The following HORMAD2 variants were observed in gnomAD, a reference collection of about 807,000 sequenced individuals.
HORMAD2 encodes HORMA domain containing 2.
In HORMAD2, 45 loss-of-function variants were observed where a neutral mutation model predicts 38.8. The observed-to-expected ratio is 1.16, with a 90% CI of 0.91 to 1.49. The LOEUF (loss-of-function observed/expected upper bound fraction) is 1.49. Among genes scored for constraint, HORMAD2 ranks in the 40% most tolerant of loss-of-function variants. The pLI is 0.00. For missense variants in HORMAD2, 338 were observed against 367.0 expected (o/e 0.92, Z 0.65); for synonymous variants, 126 against 122.8 (o/e 1.03, Z -0.17).
intron 4 of HORMAD2, among the ~76,000 whole-genome samples, chr22:30,103,957 CCT>C (rs1362699766): frequency 2.7e-5 from 4 of 150,096 alleles, no homozygotes; most frequent in Non-Finnish European, 3.0e-5. Flanking sequence ...ACTGCCCTGA[CCT>C]ACTTTCCCTC....
At chr22:30,164,107 A>G (rs903616298) in intron 10 of HORMAD2, among the ~76,000 whole-genome samples, 1 of 152,192 alleles carries the variant, frequency 6.6e-6, no homozygotes, top group Non-Finnish European at 1.5e-5. Flanking sequence ...AGGTTCATCC[A>G]TGTTTGAGCA....
At chr22:30,190,211 G>A in the HORMAD2 span, among the ~76,000 whole-genome samples, 42 of 152,126 alleles carry the variant, frequency 2.8e-4, no homozygotes, top group African/African-American at 8.9e-4. Context: ...ATTCCTTCTC[G>A]CCCCTCAACC....
At chr22:30,127,634 C>T (rs151222058) in intron 10 of HORMAD2, among the ~76,000 whole-genome samples, 22 of 152,328 alleles carry the variant, frequency 1.4e-4, no homozygotes, top group African/African-American at 4.8e-4. Context: ...TGAGCCATCA[C>T]GCCTGGCACA....
At chr22:30,174,799 G>T (rs1369360605) in intron 10 of HORMAD2, among the ~76,000 whole-genome samples, 2 of 152,078 alleles carry the variant, frequency 1.3e-5, no homozygotes. Context: ...TCATCTCCTA[G>T]ATAACAACTT....
At chr22:30,130,588 T>C (rs1250436662) in intron 10 of HORMAD2, among the ~76,000 whole-genome samples, 3 of 34,928 alleles carry the variant, frequency 8.6e-5, no homozygotes, top group Non-Finnish European at 2.2e-4. Context: ...TTTCTTTTCT[T>C]TTTTTTTTTT....
downstream of HORMAD2, among the ~76,000 whole-genome samples, chr22:30,180,539 C>A (rs1483814907): frequency 6.6e-6 from 1 of 152,182 alleles, no homozygotes; most frequent in Non-Finnish European, 1.5e-5. Context: ...GATTCAAAAC[C>A]TCTCATTTTC....
chr22:30,166,981 T>C (rs1158887608), intron 10 of HORMAD2, among the ~76,000 whole-genome samples: 1 of 152,188 alleles, frequency 6.6e-6, no homozygotes, highest in Non-Finnish European at 1.5e-5. Flanking sequence ...GTTTGGTGGC[T>C]AAAACAACAA....
At chr22:30,189,854 T>C in the HORMAD2 span, among the ~76,000 whole-genome samples, 1 of 152,112 alleles carries the variant, frequency 6.6e-6, no homozygotes, top group Non-Finnish European at 1.5e-5. Context: ...TCTCACACCA[T>C]GCCTCCCATC....
chr22:30,121,027 A>G (rs1346937224), intron 8 of HORMAD2, among the ~76,000 whole-genome samples: 1 of 152,228 alleles, frequency 6.6e-6, no homozygotes, highest in Non-Finnish European at 1.5e-5. Flanking sequence ...AGAAGGTGAC[A>G]TGAACAGATT....
intron 5 of HORMAD2, chr22:30,105,100 C>A: frequency 6.1e-6 from 1 of 165,072 alleles, no homozygotes. Flanking sequence ...GGGCTCAGTC[C>A]TTGGCAGCGG....
At chr22:30,128,573 T>C (rs1923040957) in intron 10 of HORMAD2, among the ~76,000 whole-genome samples, 1 of 152,196 alleles carries the variant, frequency 6.6e-6, no homozygotes, top group African/African-American at 2.4e-5. Flanking sequence ...TAAAAAATTT[T>C]TCTACGAATA....
the HORMAD2 span, among the ~76,000 whole-genome samples, chr22:30,185,413 A>G: frequency 6.6e-6 from 1 of 152,242 alleles, no homozygotes; most frequent in Non-Finnish European, 1.5e-5. Context: ...AATGAAACTC[A>G]TTTATGATTA....
chr22:30,114,261 T>C (rs1036099040), intron 7 of HORMAD2, among the ~76,000 whole-genome samples: 1 of 152,186 alleles, frequency 6.6e-6, no homozygotes, highest in Non-Finnish European at 1.5e-5. Flanking sequence ...TATGGGTAGA[T>C]AGTGATGCCT....
chr22:30,119,127 C>G (rs1249922717), intron 8 of HORMAD2, 80 bp downstream of exon 8: 1 of 903,950 alleles, frequency 1.1e-6, no homozygotes, highest in East Asian at 2.7e-5. Context: ...AGAGAAAGGC[C>G]TTATACTTCT....
At chr22:30,157,504 C>G (rs966051338) in intron 10 of HORMAD2, among the ~76,000 whole-genome samples, 2 of 151,688 alleles carry the variant, frequency 1.3e-5, no homozygotes, top group East Asian at 3.9e-4. Context: ...ACCCAGCCCC[C>G]TGGTTCTTAG....
intron 10 of HORMAD2, among the ~76,000 whole-genome samples, chr22:30,135,931 G>A (rs903298896): frequency 6.6e-6 from 1 of 152,162 alleles, no homozygotes; most frequent in Admixed American, 6.5e-5. Flanking sequence ...TAAAGCAGCA[G>A]GAAAACTGAT....
At chr22:30,145,198 CAT>C (rs532690504) in intron 10 of HORMAD2, among the ~76,000 whole-genome samples, 3 of 152,138 alleles carry the variant, frequency 2.0e-5, no homozygotes, top group South Asian at 2.1e-4. Flanking sequence ...CTCACACTGA[CAT>C]GTGGGAAATT....
chr22:30,112,611 C>T, intron 7 of HORMAD2, 89 bp downstream of exon 7: 2 of 516,074 alleles, frequency 3.9e-6, no homozygotes, highest in Admixed American at 8.5e-5. Flanking sequence ...GATTTTGTTA[C>T]TAGACTACCA....
Position 30,113,558 on chromosome 22 carries a change from A to C in HORMAD2, c.342+1036A>C, listed in dbSNP as rs144018375. Among the ~76,000 whole-genome samples the C allele has an allele frequency of 4.6e-3, 706 of 152,258 alleles. 15 individuals are homozygous for C. The highest frequency in any genetic ancestry group is 0.016 in the African/African-American group (684 of 41,552). ...TGGCCCAGATTGTGAATTCTTGAGG[A>C]CAAGAGTCTTGTCTCATAGTCTTGG... On this transcript the variant is annotated intron_variant, in intron 7 of 10. Coordinates refer to ENST00000336726, the MANE Select transcript of HORMAD2 (RefSeq NM_152510.4).
Sources: allele counts gnomAD v4.1 joint callset (sites outside exome capture counted in the v4.1 genomes callset), GRCh38; gene constraint gnomAD v4.1.1; transcripts MANE v1.5; gene names NCBI Gene and HGNC (gene_info 2026-07-23, HGNC 2026-07-21).